Variants in GARIN5A observed in about 807,000 individuals in gnomAD.
GARIN5A encodes Golgi-associated RAB2 interactor protein 5A.
chr19:50,476,421 T>G, the GARIN5A span: 21 of 1,546,972 alleles, frequency 1.4e-5, no homozygotes, highest in South Asian at 2.5e-4. Context: ...TGCGGACGGG[T>G]GCCAGTGCGC....
chr19:50,471,699 TACATGCACGTGTGTGTATAC>T, the GARIN5A span, among the ~76,000 whole-genome samples: 2 of 147,212 alleles, frequency 1.4e-5, no homozygotes, highest in African/African-American at 5.4e-5. Flanking sequence ...TGTATACGCA[TACATGCACGTGTGTGTATAC>T]GCATACATGC....
the GARIN5A span, among the ~76,000 whole-genome samples, chr19:50,471,951 C>CGT: frequency 6.4e-4 from 92 of 143,754 alleles, 2 homozygotes; most frequent in African/African-American, 2.4e-3. Flanking sequence ...AGTATATATA[C>CGT]ATGTATGTAT....
chr19:50,467,285 C>A, the GARIN5A span, among the ~76,000 whole-genome samples: 10 of 152,052 alleles, frequency 6.6e-5, no homozygotes, highest in African/African-American at 2.4e-4. Flanking sequence ...TAGGATACGA[C>A]AGCCCCCTTG....
the GARIN5A span, chr19:50,467,426 GA>G: frequency 4.8e-6 from 3 of 629,734 alleles, no homozygotes; most frequent in South Asian, 2.0e-5. Flanking sequence ...AGGAGTCCAG[GA>G]CCCCAGCCCT....
chr19:50,476,539 G>T, the GARIN5A span: 16 of 1,571,494 alleles, frequency 1.0e-5, no homozygotes, highest in Middle Eastern at 2.3e-4. Context: ...GTGGGAAGAA[G>T]CCGAGATGGC....
the GARIN5A span, chr19:50,467,632 T>A: frequency 1.9e-6 from 3 of 1,562,556 alleles, no homozygotes; most frequent in Non-Finnish European, 2.6e-6. Context: ...CTCTTACTCC[T>A]GCGTGAAGGG....
At chr19:50,472,167 CGTGTGTATA>C in the GARIN5A span, among the ~76,000 whole-genome samples, 32 of 138,378 alleles carry the variant, frequency 2.3e-4, no homozygotes, top group African/African-American at 9.1e-4. Flanking sequence ...TGTATGTATA[CGTGTGTATA>C]TGTATGTATA....
At chr19:50,469,818 T>C in the GARIN5A span, among the ~76,000 whole-genome samples, 57,203 of 151,896 alleles carry the variant, frequency 0.38, 10,737 homozygotes, top group South Asian at 0.43. Flanking sequence ...CAGACACATA[T>C]GCGCGGATGT....
At chr19:50,474,642 G>T in the GARIN5A span, among the ~76,000 whole-genome samples, 1 of 151,356 alleles carries the variant, frequency 6.6e-6, no homozygotes, top group Non-Finnish European at 1.5e-5. Context: ...ACCGCACCCG[G>T]CCCTGGCTAA....
chr19:50,475,315 G>A, the GARIN5A span: 2 of 1,578,176 alleles, frequency 1.3e-6, no homozygotes, highest in Non-Finnish European at 1.7e-6. Context: ...GCTGAGGTGG[G>A]GGCAGTTACC....
chr19:50,471,779 T>C, the GARIN5A span, among the ~76,000 whole-genome samples: 1 of 149,176 alleles, frequency 6.7e-6, no homozygotes, highest in East Asian at 2.0e-4. Flanking sequence ...CATACCTGTG[T>C]GTATACGCAT....
At chr19:50,475,425 C>A in the GARIN5A span, 1 of 1,609,378 alleles carries the variant, frequency 6.2e-7, no homozygotes, top group Non-Finnish European at 8.5e-7. Context: ...CCCATGGTGA[C>A]CTCGTTGGCA....
chr19:50,474,131 G>A, the GARIN5A span, among the ~76,000 whole-genome samples: 10 of 151,922 alleles, frequency 6.6e-5, no homozygotes, highest in African/African-American at 2.4e-4. Flanking sequence ...TTGTTTTCTC[G>A]TTTGTTTGCA....
the GARIN5A span, among the ~76,000 whole-genome samples, chr19:50,472,244 T>TGC: frequency 8.6e-5 from 1 of 11,640 alleles, no homozygotes; most frequent in Admixed American, 1.2e-3. Context: ...ATGTGTGTAT[T>TGC]ATATATACAT....
the GARIN5A span, chr19:50,476,256 G>T: frequency 1.9e-5 from 31 of 1,611,520 alleles, no homozygotes; most frequent in Non-Finnish European, 2.4e-5. Flanking sequence ...AAGCGAGGGG[G>T]CGGGACTACG....
At chr19:50,472,080 A>G in the GARIN5A span, among the ~76,000 whole-genome samples, 518 of 138,922 alleles carry the variant, frequency 3.7e-3, 9 homozygotes, top group South Asian at 0.036. Context: ...GTATATATAC[A>G]TGTGTGTATA....
At chr19:50,472,246 T>C in the GARIN5A span, among the ~76,000 whole-genome samples, 1 of 91,184 alleles carries the variant, frequency 1.1e-5, no homozygotes, top group Non-Finnish European at 1.9e-5. Context: ...GTGTGTATTA[T>C]ATATACATGT....
the GARIN5A span, chr19:50,476,204 A>G: frequency 6.2e-7 from 1 of 1,613,598 alleles, no homozygotes; most frequent in South Asian, 1.1e-5. Flanking sequence ...CCTCATTGCA[A>G]TGTCCCCGTC....
the GARIN5A span, among the ~76,000 whole-genome samples, chr19:50,473,929 G>A: frequency 6.6e-6 from 1 of 152,176 alleles, no homozygotes; most frequent in Admixed American, 6.5e-5. Context: ...AGAGGTTGCA[G>A]TGAGCCGAGG....
Sources: allele counts gnomAD v4.1 joint callset (sites outside exome capture counted in the v4.1 genomes callset), GRCh38; gene constraint gnomAD v4.1.1; transcripts MANE v1.5; gene names NCBI Gene and HGNC (gene_info 2026-07-23, HGNC 2026-07-21).